The following JAZF1 variants were observed in gnomAD, a reference collection of about 807,000 sequenced individuals.
The protein encoded by JAZF1 is juxtaposed with another zinc finger protein 1.
A neutral mutation model predicts 26.4 loss-of-function variants in JAZF1; 8 were observed. The observed-to-expected ratio is 0.30, with a 90% CI of 0.18 to 0.55. JAZF1 has a LOEUF of 0.55. JAZF1 is among the 20% of genes least tolerant of loss of function. The probability of loss-of-function intolerance (pLI) is 0.94; values close to 1 mark genes in which losing one functional copy is unlikely to be tolerated. For synonymous variants in JAZF1, 126 were observed against 122.3 expected (o/e 1.03, Z -0.20); for missense variants, 199 against 322.0 (o/e 0.62, Z 2.92).
chr7:27,860,765 T>G (rs1783366063), intron 3 of JAZF1, among the ~76,000 whole-genome samples: 1 of 152,220 alleles, frequency 6.6e-6, no homozygotes, highest in Non-Finnish European at 1.5e-5. Flanking sequence ...CACTGCATAC[T>G]TGAATCCAGC....
At chr7:28,078,810 T>C (rs1191387095) in intron 1 of JAZF1, among the ~76,000 whole-genome samples, 1 of 152,192 alleles carries the variant, frequency 6.6e-6, no homozygotes, top group Admixed American at 6.5e-5. Context: ...TCCCTGTTAC[T>C]TTGGACATGG....
At chr7:28,095,923 C>T (rs763391604) in intron 1 of JAZF1, among the ~76,000 whole-genome samples, 6 of 152,240 alleles carry the variant, frequency 3.9e-5, no homozygotes, top group Non-Finnish European at 8.8e-5. Flanking sequence ...ACGGCTGAGA[C>T]GGAGAGCTCT....
intron 1 of JAZF1, among the ~76,000 whole-genome samples, chr7:28,009,721 G>A (rs1010145469): frequency 2.6e-5 from 4 of 152,080 alleles, no homozygotes; most frequent in Non-Finnish European, 5.9e-5. Context: ...CTGACCTCGT[G>A]ATCTGCCTGC....
chr7:28,019,598 A>G (rs1303682088), intron 1 of JAZF1, among the ~76,000 whole-genome samples: 1 of 151,804 alleles, frequency 6.6e-6, no homozygotes, highest in African/African-American at 2.4e-5. Flanking sequence ...ATTTATACTG[A>G]GCTGAATTTA....
At chr7:27,846,686 G>C (rs1783038257) in intron 3 of JAZF1, 1 of 336,602 alleles carries the variant, frequency 3.0e-6, no homozygotes, top group Non-Finnish European at 6.1e-6. Context: ...TGGTGGTTTT[G>C]ATTGCATTTC....
chr7:27,981,731 C>A (rs966126730), intron 2 of JAZF1, among the ~76,000 whole-genome samples: 1 of 152,052 alleles, frequency 6.6e-6, no homozygotes, highest in South Asian at 2.1e-4. Context: ...TGCCTATAGA[C>A]GGCTATAATA....
intron 2 of JAZF1, 88 bp downstream of exon 2, chr7:27,991,821 T>C (rs568841236): frequency 4.0e-6 from 3 of 757,546 alleles, no homozygotes; most frequent in Non-Finnish European, 6.6e-6. Flanking sequence ...ACTGAAAACA[T>C]TTTTCCACTC....
chr7:27,889,305 AG>A (rs112620380), intron 3 of JAZF1, among the ~76,000 whole-genome samples: 55 of 150,972 alleles, frequency 3.6e-4, no homozygotes, highest in African/African-American at 1.2e-3. Flanking sequence ...ATATGGGGGG[AG>A]GGGGGAGAAA....
intron 3 of JAZF1, among the ~76,000 whole-genome samples, chr7:27,858,006 T>C (rs555579935): frequency 1.8e-4 from 27 of 152,328 alleles, no homozygotes; most frequent in African/African-American, 5.8e-4. Context: ...CCCCAATGTC[T>C]CGGCCCAAAA....
intron 1 of JAZF1, among the ~76,000 whole-genome samples, chr7:28,110,057 T>C (rs1212997671): frequency 6.6e-6 from 1 of 152,234 alleles, no homozygotes; most frequent in African/African-American, 2.4e-5. Context: ...AAGGAAAACA[T>C]TCATTTGACT....
At position 28,148,440 on chromosome 7, in the gene JAZF1, C is replaced by G. The variant is rs538182666; in HGVS notation, c.115+32023G>C. ...CGCATAGCAGAGCAAGTGAATGTACCCATTATTGAACCAATCCTCTCTCAT... is the reference window on the plus strand; with the variant it reads ...CGCATAGCAGAGCAAGTGAATGTACGCATTATTGAACCAATCCTCTCTCAT... On this transcript the variant is annotated intron_variant, in intron 1 of 4. Coordinates refer to ENST00000283928, the MANE Select transcript of JAZF1 (RefSeq NM_175061.4). Among the ~76,000 whole-genome samples the G allele has an allele frequency of 3.3e-5, 5 of 152,266 alleles. No individual in the cohort carries two copies. In the South Asian group the frequency reaches 1.0e-3, roughly 32 times the overall value.
intron 3 of JAZF1, among the ~76,000 whole-genome samples, chr7:27,891,797 C>T (rs73083396): frequency 4.6e-5 from 7 of 152,194 alleles, no homozygotes; most frequent in Non-Finnish European, 7.3e-5. Context: ...AGCATCACTG[C>T]ACTCCAGCCT....
intron 1 of JAZF1, among the ~76,000 whole-genome samples, chr7:28,072,800 G>C (rs1028935695): frequency 1.3e-5 from 2 of 152,140 alleles, no homozygotes; most frequent in South Asian, 4.1e-4. Flanking sequence ...AATTTTTCAA[G>C]TCATGTGCAT....
At chr7:27,914,920 C>A (rs746047343) in intron 2 of JAZF1, 2 of 440,338 alleles carry the variant, frequency 4.5e-6, no homozygotes, top group Non-Finnish European at 9.4e-6. Context: ...GTAACCAGAG[C>A]GCCATTTACT....
intron 1 of JAZF1, among the ~76,000 whole-genome samples, chr7:28,048,389 A>C (rs1562569697): frequency 6.6e-6 from 1 of 152,160 alleles, no homozygotes; most frequent in Non-Finnish European, 1.5e-5. Context: ...TTACTTAATT[A>C]GTTGACTTTT....
chr7:28,118,119 AT>A (rs1370422197), intron 1 of JAZF1: 1 of 152,244 alleles, frequency 6.6e-6, no homozygotes, highest in Non-Finnish European at 1.5e-5. Flanking sequence ...GGATAAAAAT[AT>A]AAAATGCTTC....
At chr7:27,940,063 CCT>C (rs1264462182) in intron 2 of JAZF1, among the ~76,000 whole-genome samples, 2 of 152,172 alleles carry the variant, frequency 1.3e-5, no homozygotes, top group South Asian at 2.1e-4. Flanking sequence ...TGAGCAGCTC[CCT>C]GTCTTCTGGG....
intron 1 of JAZF1, among the ~76,000 whole-genome samples, chr7:28,107,780 T>C (rs1450679087): frequency 6.6e-6 from 1 of 152,210 alleles, no homozygotes; most frequent in Non-Finnish European, 1.5e-5. Context: ...ACATATCTAA[T>C]GTAGTTTACT....
chr7:28,073,416 C>T (rs924169120), intron 1 of JAZF1, among the ~76,000 whole-genome samples: 1 of 152,176 alleles, frequency 6.6e-6, no homozygotes, highest in Non-Finnish European at 1.5e-5. Context: ...CAAGGGCGCA[C>T]CCAAGGACTG....
Sources: allele counts gnomAD v4.1 joint callset (sites outside exome capture counted in the v4.1 genomes callset), GRCh38; gene constraint gnomAD v4.1.1; transcripts MANE v1.5; gene names NCBI Gene and HGNC (gene_info 2026-07-23, HGNC 2026-07-21).